The following NIT2 variants were observed in gnomAD, a reference collection of about 807,000 sequenced individuals.
The protein encoded by NIT2 is omega-amidase NIT2.
In NIT2, 46 loss-of-function variants were observed where a neutral mutation model predicts 42.7. That is an observed-to-expected ratio of 1.08 (90% CI 0.85 to 1.38). The LOEUF (loss-of-function observed/expected upper bound fraction) is 1.38. Ranked by LOEUF, NIT2 falls within the 40% of genes most tolerant of loss-of-function variation. The pLI, the probability that NIT2 is intolerant of heterozygous loss-of-function variation, is 0.00. For synonymous variants in NIT2, 123 were observed against 121.9 expected (o/e 1.01, Z -0.06); for missense variants, 309 against 342.5 (o/e 0.90, Z 0.77).
At chr3:100,341,051 A>G in intron 3 of NIT2, 22 bp from the exon 4 acceptor site, 2 of 1,507,558 alleles carry the variant, frequency 1.3e-6, no homozygotes, top group African/African-American at 2.7e-5. Flanking sequence ...TTCTTATGGT[A>G]TGTTTCTTCT....
Position 100,360,960 on chromosome 3 carries a change from C to T in NIT2, c.*5692C>T, listed in dbSNP as rs778931324. ...CATTAGATTTGGGCTGTGACGCAAA[C>T]CCACTGCATGTGCAGTATCCACCTA... On this transcript the variant is annotated 3_prime_UTR_variant, in exon 10 of 10. Coordinates refer to ENST00000394140, the MANE Select transcript of NIT2 (RefSeq NM_020202.5). The T allele has an allele frequency of 6.6e-6, 1 of 152,320 alleles. No homozygotes were observed. The highest frequency in any genetic ancestry group is 1.5e-5 in the Non-Finnish European group (1 of 68,070). 9.4% of individuals were successfully genotyped at this position (152,320 alleles called of 1,614,324 possible).
At chr3:100,339,261 G>A (rs946230075) in intron 2 of NIT2, 56 bp downstream of exon 2, 5 of 1,093,496 alleles carry the variant, frequency 4.6e-6, no homozygotes, top group Non-Finnish European at 5.7e-6. Context: ...GCAGAACGGT[G>A]TTTGCTAGCT....
intron 6 of NIT2, among the ~76,000 whole-genome samples, chr3:100,346,936 TG>T (rs147188972): frequency 0.012 from 1,825 of 152,186 alleles, 33 homozygotes; most frequent in African/African-American, 0.041. Flanking sequence ...TGGAGGTGCA[TG>T]GGCTCTGGGG....
intron 1 of NIT2, among the ~76,000 whole-genome samples, chr3:100,338,035 C>T (rs1706098027): frequency 6.6e-6 from 1 of 152,150 alleles, no homozygotes; most frequent in Non-Finnish European, 1.5e-5. Context: ...TGTGCCACTG[C>T]ACTCCAGCCT....
At chr3:100,335,083 G>A in intron 1 of NIT2, 2 of 480,178 alleles carry the variant, frequency 4.2e-6, no homozygotes, top group Non-Finnish European at 7.9e-6. Flanking sequence ...GCTGATGGAC[G>A]TGTATTTCTC....
chr3:100,354,860 G>C (rs1226006321), intron 9 of NIT2, 33 bp downstream of exon 9: 10 of 1,580,124 alleles, frequency 6.3e-6, no homozygotes, highest in Non-Finnish European at 6.9e-6. Flanking sequence ...TTAGGTCTCT[G>C]ATGTCCCCAT....
chr3:100,348,091 C>T (rs2148883403), intron 6 of NIT2, among the ~76,000 whole-genome samples: 1 of 152,310 alleles, frequency 6.6e-6, no homozygotes, highest in South Asian at 2.1e-4. Context: ...AGGGTTTCAT[C>T]ATGTTGGCCA....
intron 6 of NIT2, 35 bp from the exon 7 acceptor site, chr3:100,348,768 T>C: frequency 2.5e-6 from 4 of 1,571,046 alleles, no homozygotes; most frequent in Non-Finnish European, 3.5e-6. Flanking sequence ...GAGTGCTCAC[T>C]GCATCCACTG....
chr3:100,334,899 C>T, intron 1 of NIT2, 101 bp downstream of exon 1: 3 of 1,103,622 alleles, frequency 2.7e-6, no homozygotes, highest in Non-Finnish European at 3.4e-6. Context: ...CTCCGCCCCG[C>T]GTCCCCGCCG....
rs373523625 is a variant in NIT2 at position 100,352,393 on chromosome 3, A to G, written c.585-11A>G. ...TGTACGATTTACCTCTTTCCTGTCTATTGACTACAGGGCTGTTGATAATCA... is the reference window on the plus strand; with the variant it reads ...TGTACGATTTACCTCTTTCCTGTCTGTTGACTACAGGGCTGTTGATAATCA... On this transcript the variant is annotated splice_polypyrimidine_tract_variant and intron_variant, in intron 7 of 9. Transcript: ENST00000394140. 35 of 1,602,404 alleles carry G rather than the reference A, an allele frequency of 2.2e-5. No individual in the cohort carries two copies. Among genetic ancestry groups the G allele is most frequent in the African/African-American group, 1.1e-4 (8 of 74,648 alleles).
chr3:100,347,283 A>G (rs1706227499), intron 6 of NIT2, among the ~76,000 whole-genome samples: 1 of 152,018 alleles, frequency 6.6e-6, no homozygotes, highest in Admixed American at 6.6e-5. Context: ...TTTAGTAGTT[A>G]TGGGGTTTCA....
At position 100,346,351 on chromosome 3, in the gene NIT2, G is replaced by T. The variant is rs905081820; in HGVS notation, c.505+96G>T. On this transcript the variant is annotated intron_variant, in intron 6 of 9. Transcript: ENST00000394140. ...CTTAGTCAAGAAAAGCTGGGAGAGG[G>T]CTCTTTAATTTCTCCATCTTCAGCC... The T allele has an allele frequency of 3.7e-6, 4 of 1,077,464 alleles. No homozygotes were observed. In the East Asian group the frequency reaches 1.0e-4, roughly 28 times the overall value. The allele number at this position is 1,077,464 out of a possible 1,614,324, so 66.7% of individuals were successfully genotyped here.
At position 100,355,361 on chromosome 3, in the gene NIT2, T is replaced by TA. The variant is rs990293957; in HGVS notation, c.*95dup. On this transcript the variant is annotated 3_prime_UTR_variant, in exon 10 of 10. Transcript: ENST00000394140. ...AATTCTTTAATGAAGATTTTTTTTT[T>TA]AATTCGGCCTTGTCCTTCCTAGGTT... 29 of 943,636 alleles carry TA rather than the reference T, an allele frequency of 3.1e-5. No homozygotes were observed. The African/African-American group carries it at 4.2e-4, about 14-fold the overall frequency. The allele number at this position is 943,636 out of a possible 1,614,324, so 58.5% of individuals were successfully genotyped here.
chr3:100,335,742 G>A (rs1400036066), intron 1 of NIT2, among the ~76,000 whole-genome samples: 1 of 152,210 alleles, frequency 6.6e-6, no homozygotes, highest in Non-Finnish European at 1.5e-5. Context: ...CGTGGCTCAC[G>A]CCTGTAATCC....
intron 8 of NIT2, among the ~76,000 whole-genome samples, chr3:100,352,775 C>G (rs1476201629): frequency 6.6e-6 from 1 of 152,198 alleles, no homozygotes; most frequent in East Asian, 1.9e-4. Context: ...ATACTTGGAT[C>G]ACATGGGGAA....
At chr3:100,342,805 C>A (rs2148881942) in intron 4 of NIT2, among the ~76,000 whole-genome samples, 1 of 152,020 alleles carries the variant, frequency 6.6e-6, no homozygotes, top group East Asian at 1.9e-4. Context: ...TTATGTTTAC[C>A]CAAATATTTA....
Position 100,345,597 on chromosome 3 carries a change from G to A in NIT2, c.349G>A (p.Asp117Asn). 1 of 1,610,088 alleles carries A rather than the reference G, an allele frequency of 6.2e-7. No homozygotes were observed. Among genetic ancestry groups the A allele is most frequent in the African/African-American group, 1.3e-5 (1 of 74,952 alleles). Residue 117 changes from aspartate (D) to asparagine (N), a missense_variant, in exon 5 of 10, where the codon GAC (aspartate) becomes AAC (asparagine). Asp to Asn is a conservative substitution (Grantham distance 23). Transcript: ENST00000394140. ...LAKYRKIHLF[D>N]IDVPGKITFQ... ...ATTTGTGATGCAGATCCATCTGTTT[G>A]ACATTGATGTTCCTGGAAAAATTAC...
chr3:100,337,969 G>A (rs1479948730), intron 1 of NIT2, among the ~76,000 whole-genome samples: 1 of 152,152 alleles, frequency 6.6e-6, no homozygotes, highest in African/African-American at 2.4e-5. Context: ...TACATAAGAG[G>A]CTGAGACAAG....
rs562852231 is a variant in NIT2, at chr3:100,356,968, T to C, written c.*1700T>C. 1.3e-5 allele frequency: 2 copies of C among 152,260 alleles called. No homozygotes were observed. Among genetic ancestry groups the C allele is most frequent in the Admixed American group, 6.5e-5 (1 of 15,284 alleles). 9.4% of individuals were successfully genotyped at this position (152,260 alleles called of 1,614,324 possible). A position where few individuals can be genotyped will look rare whatever the true frequency, so the allele number is the denominator to read the frequency against. On this transcript the variant is annotated 3_prime_UTR_variant, in exon 10 of 10. Transcript: ENST00000394140. ...ATCACTCAAAATTACATACTCTGTA[T>C]GTCTTCTTTCACTCAAAATTACTTC... is the stretch of plus-strand genomic sequence containing the variant.
Sources: allele counts gnomAD v4.1 joint callset (sites outside exome capture counted in the v4.1 genomes callset), GRCh38; gene constraint gnomAD v4.1.1; transcripts MANE v1.5; gene names NCBI Gene and HGNC (gene_info 2026-07-23, HGNC 2026-07-21).